SPAG16: variants seen among roughly 807,000 people sequenced by gnomAD.
SPAG16 encodes sperm-associated antigen 16 protein.
Under a neutral mutation model 80.4 loss-of-function variants are expected in SPAG16, and 86 were observed. The observed-to-expected ratio is 1.07, with a 90% CI of 0.90 to 1.28. The LOEUF is 1.28. Ranked by LOEUF, SPAG16 falls within the 50% of genes most tolerant of loss-of-function variation. The pLI is 0.00. For synonymous variants in SPAG16, 294 were observed against 265.9 expected (o/e 1.11, Z -1.03); for missense variants, 870 against 765.3 (o/e 1.14, Z -1.61).
intron 15 of SPAG16, among the ~76,000 whole-genome samples, chr2:214,319,769 A>G (rs1261567187): frequency 2.0e-5 from 3 of 152,240 alleles, no homozygotes; most frequent in African/African-American, 7.2e-5. Flanking sequence ...AACACAATAT[A>G]TGCTCATTAA....
At chr2:213,932,176 A>G (rs1299286775) in intron 12 of SPAG16, among the ~76,000 whole-genome samples, 22 of 23,638 alleles carry the variant, frequency 9.3e-4, no homozygotes, top group African/African-American at 1.5e-3. Flanking sequence ...ATATATATAT[A>G]TATATATATA....
intron 15 of SPAG16, among the ~76,000 whole-genome samples, chr2:214,357,903 C>T (rs1698924663): frequency 6.6e-6 from 1 of 151,820 alleles, no homozygotes; most frequent in African/African-American, 2.4e-5. Context: ...AGAGTCAGGG[C>T]TTTTCAGGTC....
At chr2:213,406,739 C>T (rs77248722) in intron 9 of SPAG16, among the ~76,000 whole-genome samples, 12 of 151,908 alleles carry the variant, frequency 7.9e-5, no homozygotes, top group African/African-American at 2.7e-4. Context: ...ATTTTATATG[C>T]GAGTGCAATT....
intron 12 of SPAG16, among the ~76,000 whole-genome samples, chr2:213,982,613 G>GTGTGAGTGTGTGTGTC (rs1397036914): frequency 3.3e-5 from 4 of 121,194 alleles, no homozygotes; most frequent in African/African-American, 1.7e-4. Flanking sequence ...AGTTTCTGGT[G>GTGTGAGTGTGTGTGTC]TGTGTGTGTG....
At chr2:213,686,407 C>T (rs1374024804) in intron 10 of SPAG16, among the ~76,000 whole-genome samples, 13 of 151,746 alleles carry the variant, frequency 8.6e-5, no homozygotes, top group South Asian at 2.1e-4. Context: ...TGAGCCAAAG[C>T]GCCCGGCTGT....
intron 10 of SPAG16, among the ~76,000 whole-genome samples, chr2:213,782,112 A>G (rs758453638): frequency 6.6e-5 from 10 of 152,120 alleles, no homozygotes; most frequent in Non-Finnish European, 1.3e-4. Context: ...ATCTCATTTC[A>G]AAGTCTGTGG....
intron 12 of SPAG16, among the ~76,000 whole-genome samples, chr2:213,974,562 A>G (rs570584104): frequency 6.6e-6 from 1 of 152,216 alleles, no homozygotes; most frequent in African/African-American, 2.4e-5. Context: ...TTAAAATACC[A>G]TTTAGAATCC....
chr2:213,407,729 A>AGAGAGAGACAG (rs1348606718), intron 9 of SPAG16, among the ~76,000 whole-genome samples: 2 of 149,700 alleles, frequency 1.3e-5, no homozygotes, highest in African/African-American at 2.5e-5. Flanking sequence ...GAGACAGGAG[A>AGAGAGAGACAG]GAGAGAGACA....
intron 9 of SPAG16, among the ~76,000 whole-genome samples, chr2:213,421,250 A>G (rs548493374): frequency 6.6e-6 from 1 of 152,262 alleles, no homozygotes; most frequent in African/African-American, 2.4e-5. Flanking sequence ...GGGCAGAGCA[A>G]AGTTGTGGCT....
chr2:214,255,642 C>T (rs763487516), intron 15 of SPAG16, among the ~76,000 whole-genome samples: 4 of 151,912 alleles, frequency 2.6e-5, no homozygotes, highest in African/African-American at 9.7e-5. Context: ...ATTGTTCTCT[C>T]GTGCCCCTTT....
At chr2:213,764,781 T>A (rs1407652784) in intron 10 of SPAG16, among the ~76,000 whole-genome samples, 2 of 152,184 alleles carry the variant, frequency 1.3e-5, no homozygotes, top group African/African-American at 4.8e-5. Context: ...GATATTTTAA[T>A]TATATGAAGT....
At chr2:213,447,446 C>A (rs2071398465) in intron 9 of SPAG16, among the ~76,000 whole-genome samples, 1 of 152,186 alleles carries the variant, frequency 6.6e-6, no homozygotes, top group African/African-American at 2.4e-5. Context: ...TGATTCTGAA[C>A]CCCATGATAA....
At chr2:214,299,243 C>T (rs1329353115) in intron 15 of SPAG16, among the ~76,000 whole-genome samples, 2 of 57,680 alleles carry the variant, frequency 3.5e-5, no homozygotes, top group African/African-American at 7.4e-5. Flanking sequence ...GTGTAGTATA[C>T]TTTTTTTTTT....
intron 12 of SPAG16, among the ~76,000 whole-genome samples, chr2:213,980,635 G>A (rs1445442815): frequency 2.1e-5 from 3 of 143,858 alleles, no homozygotes; most frequent in Non-Finnish European, 4.5e-5. Context: ...GAATATATGT[G>A]TGTATATATA....
intron 15 of SPAG16, among the ~76,000 whole-genome samples, chr2:214,407,149 C>T (rs774145787): frequency 6.6e-6 from 1 of 151,760 alleles, no homozygotes; most frequent in African/African-American, 2.4e-5. Flanking sequence ...CAATTTTGAC[C>T]ATTTTTATTT....
At position 213,413,516 on chromosome 2, in the gene SPAG16, T is replaced by C. The variant is rs150295330; in HGVS notation, c.942+38397T>C. Among the ~76,000 whole-genome samples the C allele has an allele frequency of 8.7e-3, 1,320 of 152,260 alleles. 18 individuals are homozygous for C. The highest frequency in any genetic ancestry group is 0.03 in the African/African-American group (1,230 of 41,570). On this transcript the variant is annotated intron_variant, in intron 9 of 15. Transcript: ENST00000331683. ...TACATATGTTTCCAATTTAAAACTG[T>C]CATATGAAATTTAAGAACTTTCTTA... is the stretch of plus-strand genomic sequence containing the variant.
At chr2:213,930,981 A>G (rs1173631306) in intron 12 of SPAG16, among the ~76,000 whole-genome samples, 1 of 152,176 alleles carries the variant, frequency 6.6e-6, no homozygotes, top group Non-Finnish European at 1.5e-5. Flanking sequence ...TCCGTTTTGA[A>G]GGTCCTCCCT....
At chr2:213,291,950 G>C (rs190172118) in intron 1 of SPAG16, among the ~76,000 whole-genome samples, 52 of 152,260 alleles carry the variant, frequency 3.4e-4, no homozygotes, top group African/African-American at 1.2e-3. Flanking sequence ...TGGTAGTTAT[G>C]TACTCTCTTA....
At chr2:213,816,534 A>G (rs1386377086) in intron 10 of SPAG16, among the ~76,000 whole-genome samples, 1 of 152,110 alleles carries the variant, frequency 6.6e-6, no homozygotes, top group Non-Finnish European at 1.5e-5. Context: ...CATTTGTAAT[A>G]AAGTGCTAAA....
Sources: gnomAD v4.1 joint callset for allele counts (sites outside exome capture counted in the v4.1 genomes callset) on GRCh38, gnomAD v4.1.1 for gene constraint, MANE v1.5 for transcripts, NCBI Gene and HGNC (gene_info 2026-07-23, HGNC 2026-07-21) for gene names.